PDE8B: variants seen among roughly 807,000 people sequenced by gnomAD.
PDE8B encodes the protein phosphodiesterase 8B, also known as high affinity cAMP-specific and IBMX-insensitive 3',5'-cyclic phosphodiesterase 8B.
PDE8B carries 26 observed loss-of-function variants against 101.3 expected under a neutral mutation model. The ratio of observed to expected loss-of-function variants is 0.26; its 90% CI spans 0.19 to 0.36. The LOEUF (loss-of-function observed/expected upper bound fraction) is 0.36. Among genes scored for constraint, PDE8B ranks in the 10% least tolerant of loss-of-function variants. PDE8B has a pLI of 1.00. For synonymous variants in PDE8B, 424 were observed against 429.3 expected, an observed-to-expected ratio of 0.99 and a Z score of 0.15; for missense variants, 810 against 1,163.1, an observed-to-expected ratio of 0.70 and a Z score of 4.42.
intron 1 of PDE8B, among the ~76,000 whole-genome samples, chr5:77,242,851 A>G (rs1756052555): frequency 6.6e-6 from 1 of 152,058 alleles, no homozygotes; most frequent in African/African-American, 2.4e-5. Context: ...TATTTTTAGT[A>G]GAGACAGGGT....
At chr5:77,367,524 T>C (rs1784357042) in intron 10 of PDE8B, among the ~76,000 whole-genome samples, 1 of 123,774 alleles carries the variant, frequency 8.1e-6, no homozygotes, top group African/African-American at 3.9e-5. Flanking sequence ...CCTTCTCTTT[T>C]TCTCTCTTTT....
the PDE8B span, among the ~76,000 whole-genome samples, chr5:77,158,500 TAGCAGGCCAGTGCAAATTGC>T: frequency 6.6e-6 from 1 of 152,132 alleles, no homozygotes; most frequent in African/African-American, 2.4e-5. Context: ...GGGAGGTCAC[TAGCAGGCCAGTGCAAATTGC>T]AGCAGGAAAT....
At chr5:77,215,642 A>C (rs1315126202) in intron 1 of PDE8B, among the ~76,000 whole-genome samples, 1 of 152,222 alleles carries the variant, frequency 6.6e-6, no homozygotes, top group Non-Finnish European at 1.5e-5. Context: ...TGTTTTGGTG[A>C]CCACCAGGTA....
chr5:77,131,721 C>G, the PDE8B span, among the ~76,000 whole-genome samples: 1 of 152,122 alleles, frequency 6.6e-6, no homozygotes, highest in Non-Finnish European at 1.5e-5. Flanking sequence ...AAACAATTCT[C>G]TTGTTCACAT....
At chr5:77,240,258 A>G (rs1400721905) in intron 1 of PDE8B, among the ~76,000 whole-genome samples, 1 of 152,136 alleles carries the variant, frequency 6.6e-6, no homozygotes, top group Non-Finnish European at 1.5e-5. Flanking sequence ...GGTTCACGCC[A>G]TTCTCCTGCC....
At chr5:77,187,721 C>T in the PDE8B span, among the ~76,000 whole-genome samples, 1 of 152,264 alleles carries the variant, frequency 6.6e-6, no homozygotes, top group East Asian at 1.9e-4. Flanking sequence ...ATTCCCTGAC[C>T]CTGGTGTTGT....
At chr5:77,133,928 G>T in the PDE8B span, among the ~76,000 whole-genome samples, 146 of 152,270 alleles carry the variant, frequency 9.6e-4, no homozygotes, top group Middle Eastern at 3.4e-3. Context: ...GTCCTGGAAG[G>T]TTCCACAGTT....
At chr5:77,179,065 AG>A in the PDE8B span, among the ~76,000 whole-genome samples, 1 of 152,174 alleles carries the variant, frequency 6.6e-6, no homozygotes, top group Non-Finnish European at 1.5e-5. Flanking sequence ...GGACAACACA[AG>A]GGCATGGACA....
chr5:77,118,673 G>A, the PDE8B span: 261 of 303,834 alleles, frequency 8.6e-4, no homozygotes, highest in African/African-American at 5.4e-3. Context: ...CTTTTTCATG[G>A]GAAAGGATAT....
intron 1 of PDE8B, among the ~76,000 whole-genome samples, chr5:77,271,339 A>G (rs1321193578): frequency 3.3e-5 from 5 of 152,186 alleles, no homozygotes; most frequent in Non-Finnish European, 7.3e-5. Flanking sequence ...CTGAGCTACT[A>G]CTTGCCACCC....
the PDE8B span, among the ~76,000 whole-genome samples, chr5:77,135,272 C>T: frequency 7.9e-5 from 12 of 152,170 alleles, no homozygotes. Context: ...CTCTGCATTC[C>T]TTTATCCTTC....
chr5:77,248,673 T>C (rs746120797), intron 1 of PDE8B, among the ~76,000 whole-genome samples: 34 of 152,200 alleles, frequency 2.2e-4, no homozygotes, highest in Non-Finnish European at 3.7e-4. Context: ...AATCTACTTA[T>C]GCCAGAAAAC....
chr5:77,316,375 A>G (rs1205638076), intron 2 of PDE8B, among the ~76,000 whole-genome samples: 1 of 152,096 alleles, frequency 6.6e-6, no homozygotes, highest in Non-Finnish European at 1.5e-5. Context: ...CTGGGACTAC[A>G]GGTGCATGCC....
intron 1 of PDE8B, among the ~76,000 whole-genome samples, chr5:77,268,085 A>G (rs1762098890): frequency 6.6e-6 from 1 of 151,906 alleles, no homozygotes; most frequent in Non-Finnish European, 1.5e-5. Context: ...ACTTGGTATC[A>G]GGAATGGGGA....
In PDE8B at chr5:77,427,039, G is replaced by GA. The variant is rs878934235; in HGVS notation, c.*497dup. The GA allele has an allele frequency of 0.26, 36,765 of 141,952 alleles. 6,389 individuals are homozygous for GA. Among genetic ancestry groups the GA allele is most frequent in the East Asian group, 0.57 (2,819 of 4,922 alleles). The allele number at this position is 141,952 out of a possible 1,614,324, so 8.8% of individuals were successfully genotyped here. On this transcript the variant is annotated 3_prime_UTR_variant, in exon 22 of 22. Transcript: ENST00000264917. ...AGCTTATCTGAACAGATTTATCTAA[G>GA]AAAAAAAAAAAACGACATAAAATAA...
chr5:77,163,288 A>G, the PDE8B span, among the ~76,000 whole-genome samples: 3 of 152,220 alleles, frequency 2.0e-5, no homozygotes, highest in African/African-American at 4.8e-5. Flanking sequence ...GTCTCCCTCC[A>G]CATTTCTTTT....
chr5:77,402,538 A>C (rs1792505380), intron 11 of PDE8B, among the ~76,000 whole-genome samples: 1 of 152,232 alleles, frequency 6.6e-6, no homozygotes, highest in Non-Finnish European at 1.5e-5. Flanking sequence ...GGTGGTCTAG[A>C]AAAGTGTCTA....
At chr5:77,231,059 T>G (rs895568678) in intron 1 of PDE8B, among the ~76,000 whole-genome samples, 1 of 152,210 alleles carries the variant, frequency 6.6e-6, no homozygotes, top group Non-Finnish European at 1.5e-5. Flanking sequence ...GAATTAAATG[T>G]GGGCCAGGTT....
chr5:77,423,639 T>TAG (rs1561699730), intron 20 of PDE8B, among the ~76,000 whole-genome samples: 21 of 110,954 alleles, frequency 1.9e-4, no homozygotes, highest in African/African-American at 5.8e-4. Flanking sequence ...TTAGTTTTTT[T>TAG]TTTTTTTTTT....
Sources: gnomAD v4.1 joint callset for allele counts (sites outside exome capture counted in the v4.1 genomes callset) on GRCh38, gnomAD v4.1.1 for gene constraint, MANE v1.5 for transcripts, NCBI Gene and HGNC (gene_info 2026-07-23, HGNC 2026-07-21) for gene names.